The following CEP192 variants were observed in gnomAD, a reference collection of about 807,000 sequenced individuals.
CEP192 encodes the protein centrosomal protein 192.
Under a neutral mutation model 271.8 loss-of-function variants are expected in CEP192, and 151 were observed. The ratio of observed to expected loss-of-function variants is 0.56; its 90% CI spans 0.49 to 0.64. The LOEUF (loss-of-function observed/expected upper bound fraction) is 0.64. CEP192 is among the 30% of genes least tolerant of loss of function. CEP192 has a pLI of 0.00. For missense variants in CEP192, 2,910 were observed against 3,020.5 expected (o/e 0.96, Z 0.86); for synonymous variants, 995 against 1,076.5 (o/e 0.92, Z 1.48).
chr18:13,018,453 A>G (rs2034789528), intron 7 of CEP192, 27 bp from the exon 8 acceptor site: 1 of 1,408,136 alleles, frequency 7.1e-7, no homozygotes, highest in Non-Finnish European at 9.5e-7. Flanking sequence ...TTAAAAGATT[A>G]ATACAGCTAA....
intron 40 of CEP192, among the ~76,000 whole-genome samples, chr18:13,109,219 T>C (rs78854004): frequency 0.018 from 2,779 of 152,310 alleles, 84 homozygotes; most frequent in East Asian, 0.13. Context: ...TGTGCAGCCG[T>C]AGAATCAAAT....
Position 13,114,216 on chromosome 18 carries a change from A to G in CEP192, c.7254A>G (p.Arg2418=). The G allele has an allele frequency of 6.2e-7, 1 of 1,613,942 alleles. No homozygotes were observed. The highest frequency in any genetic ancestry group is 1.7e-5 in the Admixed American group (1 of 59,980). ...IKIDHLVKPR[R]QAVSEASARI... ...TAGATCATTTAGTTAAGCCCCGAAG[A>G]CAAGCTGTGTCAGAGGCTTCTGCTC... The change falls in exon 42 of 45, where the codon AGA becomes AGG. Residue 2418 remains arginine, a synonymous_variant. Transcript: ENST00000506447.
At chr18:13,099,952 T>A (rs1463805225) in intron 37 of CEP192, among the ~76,000 whole-genome samples, 1 of 152,194 alleles carries the variant, frequency 6.6e-6, no homozygotes, top group African/African-American at 2.4e-5. Flanking sequence ...CTGGAACTAA[T>A]CTCCCCCATG....
At chr18:13,062,461 C>T (rs985330037) in intron 21 of CEP192, among the ~76,000 whole-genome samples, 6 of 151,680 alleles carry the variant, frequency 4.0e-5, no homozygotes, top group Admixed American at 3.9e-4. Context: ...AATTTGCTCT[C>T]TAACTTACAT....
intron 1 of CEP192, among the ~76,000 whole-genome samples, chr18:12,991,927 GC>G: frequency 6.6e-6 from 1 of 152,090 alleles, no homozygotes; most frequent in South Asian, 2.1e-4. Context: ...TTAACTTAAT[GC>G]CCTTGTCTTC....
At position 13,124,710 on chromosome 18, in the gene CEP192, A is replaced by G. The variant is rs759994836; in HGVS notation, c.7554A>G (p.Gln2518=). The part of the protein sequence containing the change: ...AGKFEALLVI[Q]TDEGKSIAIR... The stretch of plus-strand genomic sequence containing the variant: ...AATTTGAAGCTTTGCTTGTCATTCA[A>G]ACAGATGAAGGCAAGAGTATTGCTA... The change falls in exon 45 of 45, where the codon CAA becomes CAG. Residue 2518 remains glutamine (Q), a synonymous_variant. Transcript: ENST00000506447. 1 of 1,614,052 alleles carries G rather than the reference A, an allele frequency of 6.2e-7. No individual in the cohort carries two copies.
chr18:13,119,490 C>A (rs1363667268), intron 44 of CEP192, among the ~76,000 whole-genome samples: 1 of 152,142 alleles, frequency 6.6e-6, no homozygotes, highest in Non-Finnish European at 1.5e-5. Context: ...CACCTGTAAT[C>A]CCAGCACTTT....
At chr18:13,119,170 C>T (rs1381484036) in intron 44 of CEP192, among the ~76,000 whole-genome samples, 1 of 152,216 alleles carries the variant, frequency 6.6e-6, no homozygotes, top group African/African-American at 2.4e-5. Context: ...ATTTAAATTT[C>T]TAATTGTTGT....
intron 30 of CEP192, among the ~76,000 whole-genome samples, chr18:13,082,738 A>G (rs2038687369): frequency 6.6e-6 from 1 of 152,084 alleles, no homozygotes; most frequent in South Asian, 2.1e-4. Flanking sequence ...ACAATTTGGC[A>G]TGTTTTTGCA....
Position 13,059,302 on chromosome 18 carries a change from C to A in CEP192, c.4478C>A (p.Pro1493His), listed in dbSNP as rs1412461654. Residue 1493 changes from proline (P) to histidine (H), a missense_variant, in exon 21 of 45, where the codon CCT (proline) becomes CAT (histidine). Physicochemically the swap from Pro to His is moderately conservative, Grantham distance 77. Coordinates refer to ENST00000506447, the MANE Select transcript of CEP192 (RefSeq NM_032142.4). Reference sequence around the variant, plus strand: ...ACTCTCACTGCCATTGCCGAGAGTCCTGTTATTGAGGTACCTGTTTGAAAA... The same window carrying A: ...ACTCTCACTGCCATTGCCGAGAGTCATGTTATTGAGGTACCTGTTTGAAAA... ...TVTLTAIAES[P>H]VIEVETEKKD... The A allele has an allele frequency of 6.2e-7, 1 of 1,612,120 alleles. No individual in the cohort carries two copies. Among genetic ancestry groups the A allele is most frequent in the Non-Finnish European group, 8.5e-7 (1 of 1,178,254 alleles).
At chr18:13,026,240 T>G (rs2035293627) in intron 9 of CEP192, among the ~76,000 whole-genome samples, 1 of 152,242 alleles carries the variant, frequency 6.6e-6, no homozygotes, top group African/African-American at 2.4e-5. Context: ...CTTTGTTCTC[T>G]GTGAGCAAGG....
chr18:13,041,580 T>C (rs1282306005), intron 14 of CEP192, among the ~76,000 whole-genome samples: 2 of 150,862 alleles, frequency 1.3e-5, no homozygotes, highest in Admixed American at 1.3e-4. Flanking sequence ...TGAGACAGTC[T>C]CTTTTTTTTT....
intron 28 of CEP192, among the ~76,000 whole-genome samples, chr18:13,072,059 A>T (rs2038042361): frequency 6.6e-6 from 1 of 152,156 alleles, no homozygotes; most frequent in Non-Finnish European, 1.5e-5. Context: ...TTTCCTGGAG[A>T]TGTCAATAGC....
chr18:13,055,629 C>A, intron 18 of CEP192, 151 bp from the exon 19 acceptor site: 1 of 551,028 alleles, frequency 1.8e-6, no homozygotes, highest in Non-Finnish European at 3.1e-6. Flanking sequence ...CATTTCACAA[C>A]TGCAAGACTA....
intron 38 of CEP192, among the ~76,000 whole-genome samples, chr18:13,102,173 C>T (rs887782879): frequency 2.0e-5 from 3 of 152,094 alleles, no homozygotes; most frequent in Non-Finnish European, 2.9e-5. Context: ...TCTGGGAGCT[C>T]CTGCCACCTC....
In CEP192 at chr18:13,042,190, T is replaced by C. The variant is rs761843355; in HGVS notation, c.1937-14T>C. 5.0e-6 allele frequency: 8 copies of C among 1,605,898 alleles called. No homozygotes were observed. The South Asian group carries it at 7.7e-5, about 16-fold the overall frequency. ...GTGTATACTTATAAGTTGAATATTA[T>C]ATATTTCCTGCAGGAGATTTAAATG... On this transcript the variant is annotated splice_polypyrimidine_tract_variant and intron_variant, in intron 14 of 44. Transcript: ENST00000506447.
At chr18:13,013,096 A>G (rs957664148) in intron 5 of CEP192, 71 bp downstream of exon 5, 21 of 722,562 alleles carry the variant, frequency 2.9e-5, no homozygotes, top group Middle Eastern at 2.4e-4. Context: ...TTTCGCATAT[A>G]TAACTGTTAA....
rs748141087 is a variant in CEP192, at chr18:13,049,637, A to G, written c.2846A>G (p.His949Arg). Residue 949 changes from histidine to arginine, a missense_variant, in exon 16 of 45, where the codon CAT becomes CGT. Physicochemically the swap from His to Arg is conservative, Grantham distance 29. Coordinates refer to ENST00000506447, the MANE Select transcript of CEP192 (RefSeq NM_032142.4). ...AGTGAAATAAGCAACAGTGAGAAGC[A>G]TGTGACTTTTGAAAACCATCGCATA... ...CVSEISNSEK[H>R]VTFENHRIVS... The G allele has an allele frequency of 2.5e-6, 4 of 1,612,982 alleles. No homozygotes were observed. Among genetic ancestry groups the G allele is most frequent in the South Asian group, 1.1e-5 (1 of 90,800 alleles).
chr18:12,997,816 G>A (rs1045858045), intron 1 of CEP192, among the ~76,000 whole-genome samples: 9 of 152,034 alleles, frequency 5.9e-5, no homozygotes, highest in Admixed American at 6.6e-5. Flanking sequence ...CCTCCACCTC[G>A]CAGATTTAGG....
Sources: allele counts gnomAD v4.1 joint callset (sites outside exome capture counted in the v4.1 genomes callset), GRCh38; gene constraint gnomAD v4.1.1; transcripts MANE v1.5; gene names NCBI Gene and HGNC (gene_info 2026-07-23, HGNC 2026-07-21).